The following SYN3 variants were observed in gnomAD, a reference collection of about 807,000 sequenced individuals.
The protein encoded by SYN3 is synapsin-3.
SYN3 carries 35 observed loss-of-function variants against 65.8 expected under a neutral mutation model. That is an observed-to-expected ratio of 0.53 (90% CI 0.41 to 0.70). The LOEUF (loss-of-function observed/expected upper bound fraction) is 0.70. Among genes scored for constraint, SYN3 ranks in the 30% least tolerant of loss-of-function variants. The pLI, the probability that SYN3 is intolerant of heterozygous loss-of-function variation, is 0.00. For synonymous variants in SYN3, 270 were observed against 292.9 expected (o/e 0.92, Z 0.80); for missense variants, 680 against 749.0 (o/e 0.91, Z 1.08).
In SYN3 at chr22:32,948,078, C is replaced by T. The variant is rs1397594519; in HGVS notation, c.370-16597G>A. Among the ~76,000 whole-genome samples the T allele has an allele frequency of 2.0e-5, 3 of 152,182 alleles. 1 individual carries two copies. Among genetic ancestry groups the T allele is most frequent in the Admixed American group, 2.0e-4 (3 of 15,280 alleles). On this transcript the variant is annotated intron_variant, in intron 3 of 13. Transcript: ENST00000358763. ...ACTCCCATCTTCAAACTAGTAATGG[C>T]ACACTGAGTACTTTTCACTTTTCAA...
intron 4 of SYN3, among the ~76,000 whole-genome samples, chr22:32,927,263 CTTTTT>C (rs5845052): frequency 8.0e-6 from 1 of 125,554 alleles, no homozygotes; most frequent in Non-Finnish European, 1.7e-5. Flanking sequence ...AATATATTTA[CTTTTT>C]TTTTTTTTTT....
intron 6 of SYN3, among the ~76,000 whole-genome samples, chr22:32,684,907 C>A (rs988078924): frequency 6.6e-6 from 1 of 152,188 alleles, no homozygotes; most frequent in African/African-American, 2.4e-5. Context: ...CCTGCCCTAT[C>A]TAATTCTCAA....
chr22:32,603,312 ACCAT>A (rs1372426366), intron 6 of SYN3, among the ~76,000 whole-genome samples: 1 of 149,788 alleles, frequency 6.7e-6, no homozygotes, highest in East Asian at 2.0e-4. Flanking sequence ...GGAGATGGAG[ACCAT>A]CCTGGCTAAC....
intron 3 of SYN3, among the ~76,000 whole-genome samples, chr22:32,952,805 A>G (rs923908142): frequency 6.6e-6 from 1 of 152,234 alleles, no homozygotes; most frequent in Non-Finnish European, 1.5e-5. Flanking sequence ...AGTGTTTTGC[A>G]GTTTACAAAA....
chr22:33,053,375 A>C (rs1229185279), intron 1 of SYN3, among the ~76,000 whole-genome samples: 1 of 152,152 alleles, frequency 6.6e-6, no homozygotes, highest in Non-Finnish European at 1.5e-5. Flanking sequence ...GTGAGCCAAG[A>C]TCACGCCATT....
intron 6 of SYN3, among the ~76,000 whole-genome samples, chr22:32,683,732 C>T (rs965003855): frequency 5.1e-4 from 77 of 152,118 alleles, no homozygotes; most frequent in African/African-American, 1.7e-3. Flanking sequence ...TCCTAATGCT[C>T]AGTACTTCAG....
chr22:32,529,569 G>A (rs1330781972), intron 10 of SYN3, among the ~76,000 whole-genome samples: 1 of 152,212 alleles, frequency 6.6e-6, no homozygotes, highest in African/African-American at 2.4e-5. Flanking sequence ...TTCTCAAAGT[G>A]CTTCTATCGG....
At chr22:32,935,586 G>C (rs990346708) in intron 3 of SYN3, among the ~76,000 whole-genome samples, 2 of 151,800 alleles carry the variant, frequency 1.3e-5, no homozygotes, top group African/African-American at 4.8e-5. Flanking sequence ...AAGCAGCTGA[G>C]ATCACAGGCA....
intron 6 of SYN3, among the ~76,000 whole-genome samples, chr22:32,667,774 G>A (rs1230033472): frequency 6.6e-6 from 1 of 150,508 alleles, no homozygotes; most frequent in Non-Finnish European, 1.5e-5. Flanking sequence ...CTTCCAAGAG[G>A]AGATCACTTT....
chr22:32,818,349 CTTAG>C (rs902810559), intron 6 of SYN3, among the ~76,000 whole-genome samples: 5 of 152,150 alleles, frequency 3.3e-5, no homozygotes, highest in Admixed American at 1.3e-4. Context: ...ATGGGGGAGT[CTTAG>C]TTAGCCCAGG....
chr22:32,569,265 A>ATCTATCTGTCTGTCTG (rs1555898439), intron 7 of SYN3, among the ~76,000 whole-genome samples: 7 of 140,200 alleles, frequency 5.0e-5, no homozygotes, highest in African/African-American at 1.5e-4. Flanking sequence ...AAATCTATCT[A>ATCTATCTGTCTGTCTG]TCTATCTATC....
chr22:32,746,497 T>A (rs1029453712), intron 6 of SYN3, among the ~76,000 whole-genome samples: 2 of 152,118 alleles, frequency 1.3e-5, no homozygotes, highest in Admixed American at 1.3e-4. Flanking sequence ...ACCACAGGGA[T>A]GAGGAGGTGC....
At chr22:33,008,940 AAAAAAAAAAAAAAAAAAAAAAAAG>A (rs2053271243) in intron 1 of SYN3, among the ~76,000 whole-genome samples, 1 of 78,268 alleles carries the variant, frequency 1.3e-5, no homozygotes, top group Non-Finnish European at 2.6e-5. Context: ...AAAAAAAAAA[AAAAAAAAAAAAAAAAAAAAAAAAG>A]AGAGAGAGAG....
chr22:33,036,338 C>A (rs2053859151), intron 1 of SYN3, among the ~76,000 whole-genome samples: 1 of 152,134 alleles, frequency 6.6e-6, no homozygotes, highest in South Asian at 2.1e-4. Flanking sequence ...CCAAAATATA[C>A]CACTTTGGCA....
In SYN3 at chr22:32,533,010, C is replaced by T. The variant is rs116569202; in HGVS notation, c.1095+783G>A. ...CAGGGAAGAAGAGTTGGGGAGGGGA[C>T]GGGAGGGCTGTGGGACCGTGAGAGA... On this transcript the variant is annotated intron_variant, in intron 10 of 13. Transcript: ENST00000358763. 4.5e-3 allele frequency among the ~76,000 whole-genome samples: 572 copies of T among 127,918 alleles called. 4 individuals carry two copies. The highest frequency in any genetic ancestry group is 0.016 in the African/African-American group (545 of 33,864). 83.9% of individuals were successfully genotyped at this position (127,918 alleles called of 152,430 possible).
intron 6 of SYN3, among the ~76,000 whole-genome samples, chr22:32,734,648 T>G (rs2061315022): frequency 6.6e-6 from 1 of 152,002 alleles, no homozygotes; most frequent in Non-Finnish European, 1.5e-5. Flanking sequence ...ACACACAGAG[T>G]GGGGCTGAGA....
intron 6 of SYN3, among the ~76,000 whole-genome samples, chr22:32,792,321 T>C (rs7287772): frequency 0.15 from 22,695 of 152,164 alleles, 2,042 homozygotes; most frequent in African/African-American, 0.26. Flanking sequence ...GAATATTCCA[T>C]GGGAAATTTT....
intron 6 of SYN3, among the ~76,000 whole-genome samples, chr22:32,602,389 G>A (rs2059297018): frequency 1.3e-5 from 2 of 152,256 alleles, no homozygotes; most frequent in African/African-American, 2.4e-5. Flanking sequence ...ACGTCACACT[G>A]TATACACCCC....
rs1814382440 is a variant in SYN3, at chr22:32,541,731, G to A, written c.775-18C>T. ...ACTTTGATCTGTGTGGGAGGATGAG[G>A]GGGATGAGTGCCACCCACCCCGTGT... On this transcript the variant is annotated intron_variant, in intron 7 of 13. Coordinates refer to ENST00000358763, the MANE Select transcript of SYN3 (RefSeq NM_003490.4). 1.2e-6 allele frequency: 2 copies of A among 1,611,070 alleles called. No homozygotes were observed. Among genetic ancestry groups the A allele is most frequent in the Non-Finnish European group, 1.7e-6 (2 of 1,178,218 alleles).
Sources: allele counts gnomAD v4.1 joint callset (sites outside exome capture counted in the v4.1 genomes callset), GRCh38; gene constraint gnomAD v4.1.1; transcripts MANE v1.5; gene names NCBI Gene and HGNC (gene_info 2026-07-23, HGNC 2026-07-21).